The following OSER1 variants were observed in gnomAD, a reference collection of about 807,000 sequenced individuals.
OSER1 encodes oxidative stress-responsive serine-rich protein 1.
OSER1 carries 15 observed loss-of-function variants against 26.3 expected under a neutral mutation model. The observed-to-expected ratio is 0.57, with a 90% CI of 0.38 to 0.88. The LOEUF is 0.88. Ranked by LOEUF, OSER1 falls within the 40% of genes least tolerant of loss-of-function variation. The pLI is 0.00. For missense variants in OSER1, 313 were observed against 353.9 expected, an observed-to-expected ratio of 0.88 and a Z score of 0.93; for synonymous variants, 127 against 128.2, an observed-to-expected ratio of 0.99 and a Z score of 0.07.
intron 2 of OSER1, among the ~76,000 whole-genome samples, chr20:44,205,376 A>C (rs1352051010): frequency 6.6e-6 from 1 of 152,228 alleles, no homozygotes; most frequent in East Asian, 1.9e-4. Context: ...AATTTATCAA[A>C]GTACTGATAT....
At chr20:44,204,589 T>C (rs1469830929) in intron 2 of OSER1, among the ~76,000 whole-genome samples, 1 of 152,194 alleles carries the variant, frequency 6.6e-6, no homozygotes, top group African/African-American at 2.4e-5. Flanking sequence ...ATGGGTATAC[T>C]GGACCCAGGT....
At position 44,197,671 on chromosome 20, in the gene OSER1, A is replaced by G; in HGVS notation, c.260T>C (p.Leu87Pro). Reference sequence around the variant, plus strand: ...GCAATGTATAAACTTTGGAGGATGAAGGACAGGAGACTTAGAACGTCGACG... The same window carrying G: ...GCAATGTATAAACTTTGGAGGATGAGGGACAGGAGACTTAGAACGTCGACG... ...QRRRRSKSPVLHPPKFIHCST... is the reference protein window; with the variant it reads ...QRRRRSKSPVPHPPKFIHCST... The change falls in exon 4 of 4, where the codon CTT (leucine) becomes CCT (proline). Residue 87 changes from leucine (L) to proline (P), a missense_variant. Leu to Pro is a moderately conservative substitution (Grantham distance 98). Transcript: ENST00000255174. The G allele has an allele frequency of 6.2e-7, 1 of 1,614,056 alleles. No homozygotes were observed. The highest frequency in any genetic ancestry group is 1.3e-5 in the African/African-American group (1 of 75,028).
Position 44,197,525 on chromosome 20 carries a change from T to C in OSER1, c.406A>G (p.Thr136Ala), listed in dbSNP as rs774230752. The C allele has an allele frequency of 4.3e-6, 7 of 1,613,970 alleles. No individual in the cohort carries two copies. Among genetic ancestry groups the C allele is most frequent in the Middle Eastern group, 1.6e-4 (1 of 6,084 alleles). The change falls in exon 4 of 4, where the codon ACT becomes GCT. Residue 136 changes from threonine to alanine, a missense_variant. Around this residue, in one of 2 missense-constraint regions of OSER1, gnomAD observed 300 missense variants for 318.3 expected, o/e 0.94. Transcript: ENST00000255174. Reference protein sequence around the residue: ...PKEFSAGESSTSLDANHTGAV... With the variant: ...PKEFSAGESSASLDANHTGAV... ...CCTGTGTGATTAGCATCGAGAGAAGTAGAGCTTTCTCCTGCACTGAACTCT... is the reference window on the plus strand; with the variant it reads ...CCTGTGTGATTAGCATCGAGAGAAGCAGAGCTTTCTCCTGCACTGAACTCT...
At position 44,207,000 on chromosome 20, in the gene OSER1, T is replaced by TA. The variant is rs775469456; in HGVS notation, c.-41-3dup. 2.1e-6 allele frequency: 3 copies of TA among 1,451,896 alleles called. No homozygotes were observed. The highest frequency in any genetic ancestry group is 2.3e-5 in the East Asian group (1 of 44,002). 89.9% of individuals were successfully genotyped at this position (1,451,896 alleles called of 1,614,324 possible). Reference sequence around the variant, plus strand: ...TACTTATCGATGTTCCTGTTTACACTAAAAAAGAAAATAAAGTGAGCAAAG... The same window carrying TA: ...TACTTATCGATGTTCCTGTTTACACTAAAAAAAGAAAATAAAGTGAGCAAAG... On this transcript the variant is annotated splice_region_variant and splice_polypyrimidine_tract_variant and intron_variant, in intron 1 of 3. Coordinates refer to ENST00000255174, the MANE Select transcript of OSER1 (RefSeq NM_016470.8).
rs1299621558 is a variant in OSER1 at position 44,196,306 on chromosome 20, A to C, written c.*746T>G. On this transcript the variant is annotated 3_prime_UTR_variant, in exon 4 of 4. Transcript: ENST00000255174. ...TTACAACTGATAACAAAAAAAAAAAAAAAAAACCGCCATATATTTAAAATG... is the reference window on the plus strand; with the variant it reads ...TTACAACTGATAACAAAAAAAAAAACAAAAAACCGCCATATATTTAAAATG... Among the ~76,000 whole-genome samples the C allele has an allele frequency of 7.1e-5, 10 of 140,146 alleles. No homozygotes were observed. Among genetic ancestry groups the C allele is most frequent in the East Asian group, 2.2e-4 (1 of 4,570 alleles). 91.9% of individuals were successfully genotyped at this position (140,146 alleles called of 152,430 possible).
intron 2 of OSER1, among the ~76,000 whole-genome samples, chr20:44,206,027 G>T (rs1009968245): frequency 6.6e-6 from 1 of 150,806 alleles, no homozygotes; most frequent in Admixed American, 6.6e-5. Flanking sequence ...TCCTACCAAT[G>T]TGACTTTTAG....
chr20:44,198,070 C>T (rs6103674), intron 3 of OSER1, among the ~76,000 whole-genome samples: 33,954 of 152,086 alleles, frequency 0.22, 4,116 homozygotes, highest in Non-Finnish European at 0.27. Flanking sequence ...AGGGAAGCAC[C>T]TCAAACATAC....
chr20:44,199,715 G>T (rs1199349855), intron 3 of OSER1, among the ~76,000 whole-genome samples: 1 of 152,240 alleles, frequency 6.6e-6, no homozygotes, highest in Non-Finnish European at 1.5e-5. Flanking sequence ...GAAAGTTACA[G>T]CCACAGTGCA....
chr20:44,202,795 C>CA (rs745789164), intron 3 of OSER1, among the ~76,000 whole-genome samples, 166 bp downstream of exon 3: 6 of 151,598 alleles, frequency 4.0e-5, no homozygotes, highest in East Asian at 3.9e-4. Context: ...TGGACCAGGC[C>CA]AAAAAAAAGT....
Position 44,196,304 on chromosome 20 carries a change from A to AC in OSER1, c.*747_*748insG, listed in dbSNP as rs1483735857. Among the ~76,000 whole-genome samples the AC allele has an allele frequency of 7.2e-6, 1 of 139,474 alleles. No homozygotes were observed. The highest frequency in any genetic ancestry group is 2.2e-4 in the East Asian group (1 of 4,518). 91.5% of individuals were successfully genotyped at this position (139,474 alleles called of 152,430 possible). On this transcript the variant is annotated 3_prime_UTR_variant, in exon 4 of 4. Coordinates refer to ENST00000255174, the MANE Select transcript of OSER1 (RefSeq NM_016470.8). ...TATTACAACTGATAACAAAAAAAAA[A>AC]AAAAAAAACCGCCATATATTTAAAA...
chr20:44,198,772 G>C (rs1202610617), intron 3 of OSER1, among the ~76,000 whole-genome samples: 1 of 152,176 alleles, frequency 6.6e-6, no homozygotes, highest in East Asian at 1.9e-4. Context: ...TCTTATCCAT[G>C]GTTTCGCTTT....
chr20:44,210,992 G>A (rs1477866584), upstream of OSER1: 2 of 152,340 alleles, frequency 1.3e-5, no homozygotes, highest in Admixed American at 6.5e-5. Flanking sequence ...GTAATTTCCT[G>A]TTATTCTTCG....
rs546460500 is a variant in OSER1 at position 44,196,117 on chromosome 20, G to C, written c.*935C>G. ...AAGGATTCATCATCCAGCTGAAACC[G>C]AAGACAGATTTTTTTTTTACCAAAC... On this transcript the variant is annotated 3_prime_UTR_variant, in exon 4 of 4. Transcript: ENST00000255174. Among the ~76,000 whole-genome samples the C allele has an allele frequency of 6.6e-6, 1 of 152,008 alleles. No individual in the cohort carries two copies. The highest frequency in any genetic ancestry group is 2.4e-5 in the African/African-American group (1 of 41,394).
rs753674240 is a variant in OSER1 at position 44,197,180 on chromosome 20, G to A, written c.751C>T (p.Arg251Ter). 1.2e-6 allele frequency: 2 copies of A among 1,614,108 alleles called. No homozygotes were observed. The highest frequency in any genetic ancestry group is 1.1e-5 in the South Asian group (1 of 91,084). ...ACTCGAGCTTGCTCAGAACAGGATCGGGGAGAGCCAGACAGAGTTCTGGCG... is the reference window on the plus strand; with the variant it reads ...ACTCGAGCTTGCTCAGAACAGGATCAGGGAGAGCCAGACAGAGTTCTGGCG... ...LHARTLSGSP[R>*]SCSEQARVFV... Residue 251 changes from arginine to a stop codon, truncating the protein, a stop_gained, in exon 4 of 4, where the codon CGA (arginine) becomes TGA (stop). Transcript: ENST00000255174. LOFTEE classifies it high-confidence loss of function.
Position 44,202,235 on chromosome 20 carries a change from G to T in OSER1, c.191+726C>A, listed in dbSNP as rs116728424. On this transcript the variant is annotated intron_variant, in intron 3 of 3. Transcript: ENST00000255174. ...TACTAAAAATACTAAAATTACCCGG[G>T]CATGGTGGCGGGCACCTGCGTAACC... Among the ~76,000 whole-genome samples, 701 of 152,210 alleles carry T rather than the reference G, an allele frequency of 4.6e-3. 5 individuals carry two copies. Among genetic ancestry groups the T allele is most frequent in the African/African-American group, 0.016 (661 of 41,514 alleles).
Position 44,206,971 on chromosome 20 carries a change from A to G in OSER1, c.-14T>C, listed in dbSNP as rs752656757. ...TTCGGATTTCATTGTGCAAGTTTTT[A>G]CACTACTTATCGATGTTCCTGTTTA... On this transcript the variant is annotated 5_prime_UTR_variant, in exon 2 of 4. Transcript: ENST00000255174. The G allele has an allele frequency of 3.1e-6, 5 of 1,593,380 alleles. No homozygotes were observed. Among genetic ancestry groups the G allele is most frequent in the Non-Finnish European group, 4.3e-6 (5 of 1,162,024 alleles).
In OSER1 at chr20:44,196,847, T is replaced by A. The variant is rs9875; in HGVS notation, c.*205A>T. 3.9e-6 allele frequency: 2 copies of A among 509,878 alleles called. No individual in the cohort carries two copies. Among genetic ancestry groups the A allele is most frequent in the Non-Finnish European group, 7.0e-6 (2 of 285,346 alleles). The allele number at this position is 509,878 out of a possible 1,614,324, so 31.6% of individuals were successfully genotyped here. A position where few individuals can be genotyped will look rare whatever the true frequency, so the allele number is the denominator to read the frequency against. ...AAATAAGGGGGATTTTTCTTTGATC[T>A]GCTCGCCTTGAAGTGTATGTAAGAA... On this transcript the variant is annotated 3_prime_UTR_variant, in exon 4 of 4. Coordinates refer to ENST00000255174, the MANE Select transcript of OSER1 (RefSeq NM_016470.8).
In OSER1 at chr20:44,197,269, T is replaced by G. The variant is rs2072928213; in HGVS notation, c.662A>C (p.Gln221Pro). Residue 221 changes from glutamine to proline, a missense_variant, in exon 4 of 4, where the codon CAG becomes CCG. Gln to Pro is a moderately conservative substitution (Grantham distance 76). This residue lies in a region of OSER1 where 300 missense variants were observed against 318.3 expected (regional missense o/e 0.94). Transcript: ENST00000255174. ...DMEVYSFSGL[Q>P]SVPPLAPERR... ...TTCTGGAGCCAAGGGAGGGACACTC[T>G]GCAGGCCTGAAAAGGAATACACTTC... is the stretch of plus-strand genomic sequence containing the variant. 6.2e-7 allele frequency: 1 copy of G among 1,613,978 alleles called. No homozygotes were observed. The highest frequency in any genetic ancestry group is 8.5e-7 in the Non-Finnish European group (1 of 1,179,914).
intron 1 of OSER1, among the ~76,000 whole-genome samples, chr20:44,208,175 G>GTCCTCTCTGATTCA (rs2073058071): frequency 1.4e-5 from 2 of 144,596 alleles, no homozygotes; most frequent in Admixed American, 1.4e-4. Context: ...CGGCCCTTGG[G>GTCCTCTCTGATTCA]TCCTCTCTGA....
Sources: allele counts gnomAD v4.1 joint callset (sites outside exome capture counted in the v4.1 genomes callset), GRCh38; gene constraint gnomAD v4.1.1; regional missense constraint gnomAD v4.1.1; transcripts MANE v1.5; gene names NCBI Gene and HGNC (gene_info 2026-07-23, HGNC 2026-07-21).